Variants in ADAMTSL2 observed in about 807,000 individuals in gnomAD.
ADAMTSL2 encodes the protein ADAMTS-like protein 2.
In ADAMTSL2, 55 loss-of-function variants were observed where a neutral mutation model predicts 117.0. The ratio of observed to expected loss-of-function variants is 0.47; its 90% CI spans 0.38 to 0.59. The LOEUF is 0.59. Among genes scored for constraint, ADAMTSL2 ranks in the 20% least tolerant of loss-of-function variants. The probability of loss-of-function intolerance (pLI) is 0.00; values close to 1 mark genes in which losing one functional copy is unlikely to be tolerated. For synonymous variants in ADAMTSL2, 572 were observed against 566.4 expected (o/e 1.01, Z -0.14); for missense variants, 1,182 against 1,354.5 (o/e 0.87, Z 2.00).
chr9:133,547,030 C>T lies in ADAMTSL2; in HGVS notation c.764-8C>T. ...GGCCTTTTGTGACCGGCGGCTTTGCCCTTCCAGCTCTTGCAGACGAAGCTG... is the reference window on the plus strand; with the variant it reads ...GGCCTTTTGTGACCGGCGGCTTTGCTCTTCCAGCTCTTGCAGACGAAGCTG... On this transcript the variant is annotated splice_polypyrimidine_tract_variant and splice_region_variant and intron_variant, in intron 8 of 18. Coordinates refer to ENST00000651351, the MANE Select transcript of ADAMTSL2 (RefSeq NM_014694.4). 6.2e-7 allele frequency: 1 copy of T among 1,613,632 alleles called. No individual in the cohort carries two copies. Among genetic ancestry groups the T allele is most frequent in the Non-Finnish European group, 8.5e-7 (1 of 1,179,698 alleles).
chr9:133,575,172 G>T lies in ADAMTSL2; in HGVS notation c.*308G>T. On this transcript the variant is annotated 3_prime_UTR_variant, in exon 19 of 19. Coordinates refer to ENST00000651351, the MANE Select transcript of ADAMTSL2 (RefSeq NM_014694.4). ...CAGCCCCCCAGCAGCCCCCAGCCGA[G>T]GGGCCCAGGGCCCACAGCCAGCGGT... 1 of 428,730 alleles carries T rather than the reference G, an allele frequency of 2.3e-6. No homozygotes were observed. Among genetic ancestry groups the T allele is most frequent in the Non-Finnish European group, 4.3e-6 (1 of 230,692 alleles). The allele number at this position is 428,730 out of a possible 1,614,324, so 26.6% of individuals were successfully genotyped here. A position where few individuals can be genotyped will look rare whatever the true frequency, so the allele number is the denominator to read the frequency against.
intron 17 of ADAMTSL2, among the ~76,000 whole-genome samples, chr9:133,573,055 A>C (rs1231812074): frequency 1.3e-5 from 2 of 151,278 alleles, no homozygotes; most frequent in Non-Finnish European, 2.9e-5. Context: ...CTTTCTGCCA[A>C]GTCTTAATCG....
intron 12 of ADAMTSL2, among the ~76,000 whole-genome samples, chr9:133,566,728 G>A (rs945619927): frequency 2.6e-4 from 40 of 151,992 alleles, no homozygotes; most frequent in African/African-American, 8.5e-4. Flanking sequence ...TGGGTGGGGC[G>A]GGGTGGGGGT....
intron 9 of ADAMTSL2, among the ~76,000 whole-genome samples, chr9:133,549,329 C>T (rs1247990272): frequency 1.3e-5 from 2 of 152,066 alleles, no homozygotes; most frequent in East Asian, 3.9e-4. Context: ...CTGCGACGCC[C>T]TCTATTTCCC....
At chr9:133,539,101 G>A (rs185912371) in intron 4 of ADAMTSL2, among the ~76,000 whole-genome samples, 61 of 152,286 alleles carry the variant, frequency 4.0e-4, no homozygotes, top group Middle Eastern at 3.4e-3. Context: ...GGGTGTGTGC[G>A]CACGTGCAGG....
chr9:133,568,680 C>T lies in ADAMTSL2; in HGVS notation c.2166C>T (p.Pro722=), dbSNP rs1338039688. ...RCSEDEKLCD[P]NTRPVGEKNC... Reference sequence around the variant, plus strand: ...CGGAGGATGAGAAGCTGTGTGACCCCAACACCAGGCCTGTAGGGGAGAAGA... The same window carrying T: ...CGGAGGATGAGAAGCTGTGTGACCCTAACACCAGGCCTGTAGGGGAGAAGA... The change falls in exon 15 of 19, where the codon CCC becomes CCT. Residue 722 remains proline (P), a synonymous_variant. Coordinates refer to ENST00000651351, the MANE Select transcript of ADAMTSL2 (RefSeq NM_014694.4). 3 of 1,613,376 alleles carry T rather than the reference C, an allele frequency of 1.9e-6. No homozygotes were observed. The African/African-American group carries it at 4.0e-5, about 22-fold the overall frequency.
Position 133,539,663 on chromosome 9 carries a change from C to CGGCTGTCCCGGCTGTCCCGGCTGTCCT in ADAMTSL2, c.310-85_310-84insTCCTGGCTGTCCCGGCTGTCCCGGCTG, listed in dbSNP as rs1554810814. On this transcript the variant is annotated intron_variant, in intron 4 of 18. Transcript: ENST00000651351. ...GGCCGTGGCCCCCGCACGGCTGTCC[C>CGGCTGTCCCGGCTGTCCCGGCTGTCCT]GGCTGTCCCGGCTGTCCCGGCTGCA... The CGGCTGTCCCGGCTGTCCCGGCTGTCCT allele has an allele frequency of 3.4e-4, 376 of 1,112,674 alleles. 5 individuals carry two copies. Among genetic ancestry groups the CGGCTGTCCCGGCTGTCCCGGCTGTCCT allele is most frequent in the Middle Eastern group, 1.5e-3 (7 of 4,712 alleles). The allele number at this position is 1,112,674 out of a possible 1,614,324, so 68.9% of individuals were successfully genotyped here.
At chr9:133,532,382 A>C (rs1588270109), upstream of ADAMTSL2, 1 of 152,188 alleles carries the variant, frequency 6.6e-6, no homozygotes, top group Non-Finnish European at 1.5e-5. Context: ...TTTTTAGTAG[A>C]GACAGGATTT....
chr9:133,547,000 A>T, intron 8 of ADAMTSL2, 38 bp from the exon 9 acceptor site: 1 of 1,609,622 alleles, frequency 6.2e-7, no homozygotes, highest in Non-Finnish European at 8.5e-7. Context: ...TCCCCCAGCC[A>T]GTTTGGCCTT....
upstream of ADAMTSL2, chr9:133,532,579 G>A (rs1829965629): frequency 2.6e-5 from 4 of 152,246 alleles, 1 homozygote; most frequent in Admixed American, 2.6e-4. Context: ...CGGTAGGTGT[G>A]GGCTGAGACC....
intron 16 of ADAMTSL2, 138 bp from the exon 17 acceptor site, chr9:133,570,193 C>T: frequency 1.1e-6 from 1 of 949,910 alleles, no homozygotes; most frequent in Non-Finnish European, 1.5e-6. Context: ...AAAGAGTTTC[C>T]AGCCAGTTTG....
chr9:133,568,397 G>A lies in ADAMTSL2; in HGVS notation c.1999G>A (p.Glu667Lys), dbSNP rs1399157866. 13 of 1,607,300 alleles carry A rather than the reference G, an allele frequency of 8.1e-6. No individual in the cohort carries two copies. Among genetic ancestry groups the A allele is most frequent in the Non-Finnish European group, 1.0e-5 (12 of 1,177,790 alleles). The change falls in exon 14 of 19, where the codon GAG (glutamate) becomes AAG (lysine). Residue 667 changes from glutamate (E) to lysine (K), a missense_variant. Coordinates refer to ENST00000651351, the MANE Select transcript of ADAMTSL2 (RefSeq NM_014694.4). ...FDSSVYSDLCEAAEAVRPEER... is the reference protein window; with the variant it reads ...FDSSVYSDLCKAAEAVRPEER... ...CAGCTCCGTGTACAGCGACCTGTGC[G>A]AGGCAGCCGAGGCCGTGCGGCCCGA...
At chr9:133,551,879 G>T (rs1343814282) in intron 9 of ADAMTSL2, among the ~76,000 whole-genome samples, 1 of 148,092 alleles carries the variant, frequency 6.8e-6, no homozygotes, top group Admixed American at 6.8e-5. Flanking sequence ...GCCCAGGCTG[G>T]AGTGCAGTGG....
chr9:133,553,028 A>G lies in ADAMTSL2; in HGVS notation c.940-1329A>G, dbSNP rs1038652812. 4.6e-5 allele frequency among the ~76,000 whole-genome samples: 7 copies of G among 152,048 alleles called. No homozygotes were observed. The East Asian group carries it at 1.3e-3, about 29-fold the overall frequency. Reference sequence around the variant, plus strand: ...CCTGACTGGGCGAGAATGTGACTTAATCTAAGCTATTGGTCTGGTGGCTGG... The same window carrying G: ...CCTGACTGGGCGAGAATGTGACTTAGTCTAAGCTATTGGTCTGGTGGCTGG... On this transcript the variant is annotated intron_variant, in intron 9 of 18. Coordinates refer to ENST00000651351, the MANE Select transcript of ADAMTSL2 (RefSeq NM_014694.4).
At chr9:133,572,369 C>T (rs1280974027) in intron 17 of ADAMTSL2, among the ~76,000 whole-genome samples, 4 of 152,258 alleles carry the variant, frequency 2.6e-5, no homozygotes, top group African/African-American at 7.2e-5. Context: ...AAGGGTGAGC[C>T]GGCTTTTGCC....
At chr9:133,545,904 A>G (rs1830336699) in intron 8 of ADAMTSL2, among the ~76,000 whole-genome samples, 1 of 152,026 alleles carries the variant, frequency 6.6e-6, no homozygotes, top group South Asian at 2.1e-4. Flanking sequence ...AATTTGCGTT[A>G]TCTTCTGACT....
chr9:133,574,888 A>C lies in ADAMTSL2; in HGVS notation c.*24A>C. On this transcript the variant is annotated 3_prime_UTR_variant, in exon 19 of 19. Coordinates refer to ENST00000651351, the MANE Select transcript of ADAMTSL2 (RefSeq NM_014694.4). ...AGGCCCGGCAGCTGCAGCCCCTTCCAGATGAAGACCAAGCGCCCCTCCTGG... is the reference window on the plus strand; with the variant it reads ...AGGCCCGGCAGCTGCAGCCCCTTCCCGATGAAGACCAAGCGCCCCTCCTGG... 6.5e-7 allele frequency: 1 copy of C among 1,543,836 alleles called. No individual in the cohort carries two copies.
intron 16 of ADAMTSL2, 108 bp downstream of exon 16, chr9:133,569,686 A>G: frequency 1.8e-6 from 2 of 1,142,314 alleles, no homozygotes; most frequent in South Asian, 1.4e-5. Context: ...AGAGGAATTC[A>G]TTGCAAATTA....
chr9:133,561,407 G>C, intron 12 of ADAMTSL2, 112 bp downstream of exon 12: 1 of 1,000,108 alleles, frequency 1.0e-6, no homozygotes, highest in Non-Finnish European at 1.5e-6. Flanking sequence ...CTGCCCTCGG[G>C]GTGCTTGTCC....
Sources: gnomAD v4.1 joint callset for allele counts (sites outside exome capture counted in the v4.1 genomes callset) on GRCh38, gnomAD v4.1.1 for gene constraint, MANE v1.5 for transcripts, NCBI Gene and HGNC (gene_info 2026-07-23, HGNC 2026-07-21) for gene names.